Variants in LCT observed in about 807,000 individuals in gnomAD.
LCT encodes lactase/phlorizin hydrolase.
LCT carries 90 observed loss-of-function variants against 173.0 expected under a neutral mutation model. The ratio of observed to expected loss-of-function variants is 0.52; its 90% CI spans 0.44 to 0.62. The LOEUF is 0.62. LCT is among the 20% of genes least tolerant of loss of function. The probability of loss-of-function intolerance (pLI) is 0.00; values close to 1 mark genes in which losing one functional copy is unlikely to be tolerated. For synonymous variants in LCT, 853 were observed against 957.6 expected (o/e 0.89, Z 2.02); for missense variants, 1,864 against 2,431.4 (o/e 0.77, Z 4.91).
intron 3 of LCT, among the ~76,000 whole-genome samples, chr2:135,824,334 A>T (rs772236817): frequency 3.9e-5 from 6 of 152,196 alleles, no homozygotes; most frequent in Non-Finnish European, 8.8e-5. Flanking sequence ...TAAGAAGCTT[A>T]GTTAAGAGGC....
intron 4 of LCT, 75 bp downstream of exon 4, chr2:135,823,826 G>C: frequency 1.0e-6 from 1 of 1,000,210 alleles, no homozygotes; most frequent in Non-Finnish European, 1.6e-6. Context: ...TGGAACCCCG[G>C]ACTTTCAAGA....
At chr2:135,805,194 C>A in intron 9 of LCT, 137 bp from the exon 10 acceptor site, 1 of 886,854 alleles carries the variant, frequency 1.1e-6, no homozygotes, top group Admixed American at 2.0e-5. Flanking sequence ...CACATTGGTC[C>A]ATGTGTGGTG....
intron 2 of LCT, among the ~76,000 whole-genome samples, chr2:135,831,998 C>T (rs1184686987): frequency 6.6e-6 from 1 of 152,096 alleles, no homozygotes; most frequent in Non-Finnish European, 1.5e-5. Flanking sequence ...AGGTGGATTA[C>T]CTGAGGTCAG....
chr2:135,811,766 T>G (rs60374504), intron 7 of LCT, among the ~76,000 whole-genome samples: 2 of 148,094 alleles, frequency 1.4e-5, no homozygotes, highest in Non-Finnish European at 3.0e-5. Flanking sequence ...GGGCAGAATG[T>G]AGAGGGAGGT....
intron 1 of LCT, among the ~76,000 whole-genome samples, chr2:135,835,482 G>GTGTA (rs2077978493): frequency 1.5e-5 from 1 of 67,948 alleles, no homozygotes; most frequent in Non-Finnish European, 4.1e-5. Flanking sequence ...GAACATAGAA[G>GTGTA]TATATATATA....
At position 135,812,733 on chromosome 2, in the gene LCT, G is replaced by A. The variant is rs546741050; in HGVS notation, c.1931C>T (p.Thr644Ile). The change falls in exon 7 of 17, where the codon ACC becomes ATC. Residue 644 changes from threonine to isoleucine, a missense_variant. Transcript: ENST00000264162. The part of the protein sequence containing the change: ...PVFVDGDYPA[T>I]LRTQIQQMNR... ...CATCTGTTGGATCTGGGTCCTCAGG[G>A]TGGCTGGGTAGTCTCCATCCACAAA... The A allele has an allele frequency of 7.4e-5, 120 of 1,614,226 alleles. 1 individual carries two copies. In the South Asian group the frequency reaches 1.2e-3, roughly 17 times the overall value.
chr2:135,833,080 T>C, intron 2 of LCT, 31 bp downstream of exon 2: 3 of 1,499,986 alleles, frequency 2.0e-6, no homozygotes, highest in Non-Finnish European at 1.9e-6. Flanking sequence ...TCTCCTCAGA[T>C]GTTACAGGTA....
chr2:135,796,990 C>T (rs2077587415), intron 13 of LCT, among the ~76,000 whole-genome samples: 1 of 147,878 alleles, frequency 6.8e-6, no homozygotes, highest in Admixed American at 6.8e-5. Context: ...CTCCATCGTC[C>T]AGGCTGGAGT....
intron 11 of LCT, among the ~76,000 whole-genome samples, chr2:135,802,181 A>G (rs538317450): frequency 6.6e-6 from 1 of 152,338 alleles, no homozygotes; most frequent in African/African-American, 2.4e-5. Context: ...TTTGAGGCAC[A>G]TCTCCTGGTG....
chr2:135,819,914 C>T (rs1029665693), intron 5 of LCT, among the ~76,000 whole-genome samples: 15 of 152,160 alleles, frequency 9.9e-5, no homozygotes, highest in Admixed American at 5.2e-4. Context: ...TGAAACAGAA[C>T]TTGCTGTACA....
At chr2:135,817,272 G>A in intron 6 of LCT, 69 bp downstream of exon 6, 1 of 1,538,160 alleles carries the variant, frequency 6.5e-7, no homozygotes, top group Non-Finnish European at 8.8e-7. Flanking sequence ...AGAAAACAGA[G>A]AAAATGACTT....
chr2:135,821,550 G>A (rs761058544), intron 5 of LCT: 23 of 181,288 alleles, frequency 1.3e-4, no homozygotes, highest in East Asian at 3.0e-4. Flanking sequence ...GCACAATCTC[G>A]GCTCACAGCA....
Position 135,808,755 on chromosome 2 carries a change from T to C in LCT, c.3592A>G (p.Arg1198Gly), listed in dbSNP as rs761943821. 18 of 1,614,006 alleles carry C rather than the reference T, an allele frequency of 1.1e-5. No homozygotes were observed. The Admixed American group carries it at 2.8e-4, about 25-fold the overall frequency. ...AGGCAGAAGACGTCGGCCGTCGCCCTGATGAACCTCTTCTCTTCCTCAGTG... is the reference window on the plus strand; with the variant it reads ...AGGCAGAAGACGTCGGCCGTCGCCCCGATGAACCTCTTCTCTTCCTCAGTG... ...SFTEEEKRFI[R>G]ATADVFCLNT... The change falls in exon 8 of 17, where the codon AGG becomes GGG. Residue 1198 changes from arginine to glycine, a missense_variant. Arg to Gly is a moderately radical substitution (Grantham distance 125). Coordinates refer to ENST00000264162, the MANE Select transcript of LCT (RefSeq NM_002299.4).
chr2:135,829,147 C>G (rs1469550124), intron 3 of LCT, among the ~76,000 whole-genome samples: 1 of 151,860 alleles, frequency 6.6e-6, no homozygotes, highest in African/African-American at 2.4e-5. Flanking sequence ...GCCAAGATCA[C>G]GCCACTGCAC....
At position 135,810,106 on chromosome 2, in the gene LCT, C is replaced by G. The variant is rs1370465094; in HGVS notation, c.2354-113G>C. On this transcript the variant is annotated intron_variant, in intron 7 of 16. Coordinates refer to ENST00000264162, the MANE Select transcript of LCT (RefSeq NM_002299.4). The stretch of plus-strand genomic sequence containing the variant: ...AAACTCCTGGACTCAAGTGATCCTC[C>G]CAAGTAGCTGGGACTGACTACAGGA... The G allele has an allele frequency of 5.3e-6, 4 of 751,514 alleles. No homozygotes were observed. In the African/African-American group the frequency reaches 7.0e-5, roughly 13 times the overall value. 46.6% of individuals were successfully genotyped at this position (751,514 alleles called of 1,614,324 possible).
rs745933462 is a variant in LCT at position 135,809,261 on chromosome 2, T to C, written c.3086A>G (p.Asp1029Gly). Reference sequence around the variant, plus strand: ...GGCAGGATTCTCCCAGCCTCCGATATCCTGGAGGGCCTGGGGCAGGTCCCA... The same window carrying C: ...GGCAGGATTCTCCCAGCCTCCGATACCCTGGAGGGCCTGGGGCAGGTCCCA... ...FHWDLPQALQ[D>G]IGGWENPALI... Residue 1029 changes from aspartate to glycine, a missense_variant, in exon 8 of 17, where the codon GAT (aspartate) becomes GGT (glycine). Physicochemically the swap from Asp to Gly is moderately conservative, Grantham distance 94 (BLOSUM62 -1). Transcript: ENST00000264162. This position sits in a 1 kb window ranked among gnomAD's most constrained non-coding sequence, Gnocchi z 5.5. 6.2e-6 allele frequency: 10 copies of C among 1,614,224 alleles called. No homozygotes were observed. The highest frequency in any genetic ancestry group is 1.6e-4 in the Middle Eastern group (1 of 6,062).
At position 135,829,544 on chromosome 2, in the gene LCT, T is replaced by C. The variant is rs531628694; in HGVS notation, c.804+49A>G. 3.6e-6 allele frequency: 5 copies of C among 1,371,474 alleles called. No individual in the cohort carries two copies. The Admixed American group carries it at 5.0e-5, about 14-fold the overall frequency. 85.0% of individuals were successfully genotyped at this position (1,371,474 alleles called of 1,614,324 possible). A position where few individuals can be genotyped will look rare whatever the true frequency, so the allele number is the denominator to read the frequency against. ...AGCATTAAATGTCTAATCTGCTCTC[T>C]GAAACCTTCGCTGCATTCATCATTA... On this transcript the variant is annotated intron_variant, in intron 3 of 16. Coordinates refer to ENST00000264162, the MANE Select transcript of LCT (RefSeq NM_002299.4).
chr2:135,802,212 A>G (rs979963804), intron 11 of LCT, among the ~76,000 whole-genome samples: 4 of 152,224 alleles, frequency 2.6e-5, no homozygotes, highest in Non-Finnish European at 4.4e-5. Context: ...GCTGTTACAC[A>G]GTGTTCTGAG....
intron 2 of LCT, among the ~76,000 whole-genome samples, 193 bp from the exon 3 acceptor site, chr2:135,829,869 G>T (rs911364067): frequency 6.7e-6 from 1 of 148,284 alleles, no homozygotes; most frequent in African/African-American, 2.5e-5. Context: ...GGGGCGGGGG[G>T]TGCCTGTGCC....
Sources: gnomAD v4.1 joint callset for allele counts (sites outside exome capture counted in the v4.1 genomes callset) on GRCh38, gnomAD v4.1.1 for gene constraint, Gnocchi (gnomAD v3.1) non-coding constraint, MANE v1.5 for transcripts, NCBI Gene and HGNC (gene_info 2026-07-23, HGNC 2026-07-21) for gene names.